UBOX5: variants seen among roughly 807,000 people sequenced by gnomAD.
UBOX5 encodes RING finger protein 37.
Under a neutral mutation model 39.0 loss-of-function variants are expected in UBOX5, and 28 were observed. The observed-to-expected ratio is 0.72, with a 90% CI of 0.53 to 0.98. The LOEUF (loss-of-function observed/expected upper bound fraction) is 0.98, where lower values mean the gene tolerates loss of function less well. Ranked by LOEUF, UBOX5 falls within the 50% of genes least tolerant of loss-of-function variation. The pLI is 0.00. For synonymous variants in UBOX5, 283 were observed against 275.5 expected (o/e 1.03, Z -0.27); for missense variants, 585 against 674.4 (o/e 0.87, Z 1.47).
intron 1 of UBOX5, chr20:3,146,955 G>A (rs1486041429): frequency 1.9e-6 from 3 of 1,614,054 alleles, no homozygotes; most frequent in Admixed American, 1.7e-5. Context: ...TAGCAATACT[G>A]GTTCCTGTTT....
chr20:3,135,504 G>T (rs915281952), intron 1 of UBOX5, among the ~76,000 whole-genome samples: 6 of 150,994 alleles, frequency 4.0e-5, no homozygotes, highest in Non-Finnish European at 7.3e-5. Context: ...GATGAGGAAG[G>T]CCTTGAACGT....
At chr20:3,130,057 C>T (rs1287291762) in intron 1 of UBOX5, among the ~76,000 whole-genome samples, 2 of 151,902 alleles carry the variant, frequency 1.3e-5, no homozygotes, top group African/African-American at 2.4e-5. Context: ...AAGTGAGATG[C>T]CATCTCTACA....
At position 3,154,084 on chromosome 20, in the gene UBOX5, C is replaced by A. The variant is rs937747023; in HGVS notation, c.-42+5682G>T. On this transcript the variant is annotated intron_variant, in intron 1 of 4. Coordinates refer to ENST00000217173, the MANE Select transcript of UBOX5 (RefSeq NM_014948.4). ...AGGATCAAAGTAAGGAGAGCTACCACAATTGAAGACCTGAAAGTTGGCAGT... is the reference window on the plus strand; with the variant it reads ...AGGATCAAAGTAAGGAGAGCTACCAAAATTGAAGACCTGAAAGTTGGCAGT... Among the ~76,000 whole-genome samples the A allele has an allele frequency of 2.0e-5, 3 of 152,094 alleles. No homozygotes were observed. In the East Asian group the frequency reaches 5.8e-4, roughly 29 times the overall value.
At chr20:3,120,320 C>CT in intron 3 of UBOX5, among the ~76,000 whole-genome samples, 1 of 145,398 alleles carries the variant, frequency 6.9e-6, no homozygotes, top group African/African-American at 2.6e-5. Flanking sequence ...GCACTCCAGC[C>CT]TGGTGACAGA....
chr20:3,150,799 T>TA (rs2066616390), intron 1 of UBOX5: 1 of 152,230 alleles, frequency 6.6e-6, no homozygotes, highest in Non-Finnish European at 1.5e-5. Context: ...GGCAGGAACA[T>TA]ATGTATGAAT....
Position 3,149,333 on chromosome 20 carries a change from C to A in UBOX5, c.-42+10433G>T. 1 of 465,940 alleles carries A rather than the reference C, an allele frequency of 2.1e-6. No individual in the cohort carries two copies. Among genetic ancestry groups the A allele is most frequent in the Non-Finnish European group, 3.8e-6 (1 of 261,900 alleles). The allele number at this position is 465,940 out of a possible 1,614,324, so 28.9% of individuals were successfully genotyped here. A position where few individuals can be genotyped will look rare whatever the true frequency, so the allele number is the denominator to read the frequency against. ...ATCCAAATTTACACATTATAAAAAA[C>A]AGGTTGAAACTACACTGCTGTCTAC... On this transcript the variant is annotated intron_variant, in intron 1 of 4. Coordinates refer to ENST00000217173, the MANE Select transcript of UBOX5 (RefSeq NM_014948.4). The surrounding 1 kb of genome is among the most constrained non-coding windows in gnomAD (Gnocchi z 4.1).
At chr20:3,126,376 G>GC (rs2066388359) in intron 1 of UBOX5, among the ~76,000 whole-genome samples, 1 of 151,986 alleles carries the variant, frequency 6.6e-6, no homozygotes, top group Non-Finnish European at 1.5e-5. Flanking sequence ...ACTGCGGAAG[G>GC]CCGCAGGGAC....
intron 3 of UBOX5, among the ~76,000 whole-genome samples, chr20:3,117,936 G>A (rs2066305987): frequency 6.6e-6 from 1 of 152,088 alleles, no homozygotes; most frequent in Non-Finnish European, 1.5e-5. Context: ...AGGTTGCAGT[G>A]AGCAGAGATT....
intron 1 of UBOX5, chr20:3,146,387 A>G (rs1037968107): frequency 1.2e-5 from 1 of 86,542 alleles, no homozygotes; most frequent in Non-Finnish European, 2.1e-5. Context: ...AAAATCTGTA[A>G]GGGTGGGGGG....
intron 1 of UBOX5, among the ~76,000 whole-genome samples, chr20:3,143,995 T>G (rs2066539848): frequency 6.6e-6 from 1 of 151,864 alleles, no homozygotes; most frequent in Non-Finnish European, 1.5e-5. Flanking sequence ...AATGTAAGAT[T>G]TATACACTGA....
chr20:3,137,398 A>G (rs1389924108), intron 1 of UBOX5, among the ~76,000 whole-genome samples: 1 of 152,174 alleles, frequency 6.6e-6, no homozygotes, highest in Non-Finnish European at 1.5e-5. Context: ...CTCCTTGAGT[A>G]GCTGAGATTA....
In UBOX5 at chr20:3,121,424, G is replaced by A; in HGVS notation, c.1215C>T (p.Ala405=). The part of the protein sequence containing the change: ...TSEHTAKKMK[A]TNEPSLTHMD... The stretch of plus-strand genomic sequence containing the variant: ...TATGTGTCAGGCTGGGCTCATTGGT[G>A]GCTTTCATTTTCTTAGCAGTGTGCT... The change falls in exon 3 of 5, where the codon GCC becomes GCT. Residue 405 remains alanine, a synonymous_variant. Coordinates refer to ENST00000217173, the MANE Select transcript of UBOX5 (RefSeq NM_014948.4). 1 of 1,613,958 alleles carries A rather than the reference G, an allele frequency of 6.2e-7. No homozygotes were observed. Among genetic ancestry groups the A allele is most frequent in the African/African-American group, 1.3e-5 (1 of 75,030 alleles).
At chr20:3,140,916 ATTTTT>A (rs11365728) in intron 1 of UBOX5, among the ~76,000 whole-genome samples, 1 of 112,018 alleles carries the variant, frequency 8.9e-6, no homozygotes, top group Non-Finnish European at 1.8e-5. Flanking sequence ...GGGTTGCCAG[ATTTTT>A]TTTTTTTTTT....
At chr20:3,132,752 G>A (rs898986238) in intron 1 of UBOX5, among the ~76,000 whole-genome samples, 3 of 151,008 alleles carry the variant, frequency 2.0e-5, no homozygotes, top group Non-Finnish European at 2.9e-5. Context: ...CCCTGGAGAC[G>A]GAGGTTGCAG....
At chr20:3,112,380 A>T (rs541798434) in intron 4 of UBOX5, among the ~76,000 whole-genome samples, 2 of 151,836 alleles carry the variant, frequency 1.3e-5, no homozygotes, top group African/African-American at 4.8e-5. Context: ...CAGAAGTCCC[A>T]TTAAAAGATC....
intron 1 of UBOX5, among the ~76,000 whole-genome samples, chr20:3,157,931 T>G (rs1304585506): frequency 6.6e-6 from 1 of 152,066 alleles, no homozygotes; most frequent in Non-Finnish European, 1.5e-5. Flanking sequence ...GGTCTCGCTC[T>G]GTTGTTCAGT....
At chr20:3,146,673 C>G (rs2066565897) in intron 1 of UBOX5, 1 of 1,379,986 alleles carries the variant, frequency 7.2e-7, no homozygotes, top group African/African-American at 1.4e-5. Flanking sequence ...CCTCAACACA[C>G]TATTTTATCG....
In UBOX5 at chr20:3,146,868, A is replaced by G. The variant is rs1487576918; in HGVS notation, c.-42+12898T>C. 3 of 1,614,084 alleles carry G rather than the reference A, an allele frequency of 1.9e-6. No individual in the cohort carries two copies. In the East Asian group the frequency reaches 6.7e-5, roughly 36 times the overall value. On this transcript the variant is annotated intron_variant, in intron 1 of 4. Coordinates refer to ENST00000217173, the MANE Select transcript of UBOX5 (RefSeq NM_014948.4). ...AGTGGGAGCCATTCCCAGTAGGATA[A>G]CTCTACCACACGGTAGCCAAGCCGA...
chr20:3,126,775 C>T (rs2066392606), intron 1 of UBOX5, among the ~76,000 whole-genome samples: 1 of 151,952 alleles, frequency 6.6e-6, no homozygotes, highest in African/African-American at 2.4e-5. Flanking sequence ...GTGGCTCATA[C>T]CTGTAATCCC....
Sources: gnomAD v4.1 joint callset for allele counts (sites outside exome capture counted in the v4.1 genomes callset) on GRCh38, gnomAD v4.1.1 for gene constraint, Gnocchi (gnomAD v3.1) non-coding constraint, MANE v1.5 for transcripts, NCBI Gene and HGNC (gene_info 2026-07-23, HGNC 2026-07-21) for gene names.